Variants in STAU2 observed in about 807,000 individuals in gnomAD.
The protein encoded by STAU2 is staufen double-stranded RNA binding protein 2, also known as double-stranded RNA-binding protein Staufen homolog 2.
STAU2 carries 20 observed loss-of-function variants against 65.9 expected under a neutral mutation model. The observed-to-expected ratio is 0.30, with a 90% CI of 0.21 to 0.44. The LOEUF is 0.44. STAU2 is among the 20% of genes least tolerant of loss of function. The pLI is 1.00. For synonymous variants in STAU2, 232 were observed against 233.9 expected, an observed-to-expected ratio of 0.99 and a Z score of 0.07; for missense variants, 558 against 683.9, an observed-to-expected ratio of 0.82 and a Z score of 2.05.
chr8:73,494,879 T>C (rs1821324732), intron 13 of STAU2, among the ~76,000 whole-genome samples: 1 of 151,666 alleles, frequency 6.6e-6, no homozygotes, highest in South Asian at 2.1e-4. Context: ...TGTAGATTAC[T>C]GATTTACATG....
At chr8:73,715,636 T>C (rs541878063) in intron 3 of STAU2, among the ~76,000 whole-genome samples, 15 of 152,270 alleles carry the variant, frequency 9.9e-5, no homozygotes, top group African/African-American at 3.6e-4. Context: ...TGGGCAACAT[T>C]GATTAAAGTT....
intron 10 of STAU2, among the ~76,000 whole-genome samples, chr8:73,602,907 G>A (rs1811743183): frequency 1.3e-5 from 2 of 151,982 alleles, no homozygotes; most frequent in East Asian, 1.9e-4. Context: ...AATTATCTTT[G>A]AAATACTTCA....
chr8:73,561,252 C>T (rs756680263), intron 12 of STAU2, among the ~76,000 whole-genome samples: 5 of 152,088 alleles, frequency 3.3e-5, no homozygotes, highest in Non-Finnish European at 7.3e-5. Context: ...TCCCCAGAAG[C>T]GCATTCACCA....
At chr8:73,595,542 ATAT>A (rs1811120290) in intron 10 of STAU2, among the ~76,000 whole-genome samples, 1 of 152,128 alleles carries the variant, frequency 6.6e-6, no homozygotes, top group Non-Finnish European at 1.5e-5. Context: ...ACTTCCATAT[ATAT>A]TTATATGCTA....
chr8:73,433,062 G>C (rs1817418323), intron 13 of STAU2, among the ~76,000 whole-genome samples: 1 of 152,176 alleles, frequency 6.6e-6, no homozygotes, highest in South Asian at 2.1e-4. Flanking sequence ...ACGCAGAGTG[G>C]AACTGACAGC....
intron 13 of STAU2, among the ~76,000 whole-genome samples, chr8:73,423,601 TC>T (rs1368809248): frequency 6.6e-6 from 1 of 152,188 alleles, no homozygotes; most frequent in Non-Finnish European, 1.5e-5. Context: ...CTGTGTCTTC[TC>T]AGCTGCCTTT....
At chr8:73,674,036 T>A (rs1305090212) in intron 5 of STAU2, among the ~76,000 whole-genome samples, 1 of 151,614 alleles carries the variant, frequency 6.6e-6, no homozygotes, top group East Asian at 1.9e-4. Flanking sequence ...CCAAATAGTG[T>A]GTGCTTTATA....
rs527332052 is a variant in STAU2 at position 73,422,626 on chromosome 8, C to G, written c.1607G>C (p.Gly536Ala). The stretch of plus-strand genomic sequence containing the variant: ...GGGATTTACTCACTTTTCAAGAGAA[C>G]CTTTTTCGATATTCATTGCTCCATC... The part of the protein sequence containing the change: ...PIDGAMNIEK[G>A]SLEKQAKHLR... The change falls in exon 14 of 15, where the codon GGT (glycine) becomes GCT (alanine). Residue 536 changes from glycine (G) to alanine (A), a missense_variant. Around this residue, in one of 3 missense-constraint regions of STAU2, gnomAD observed 247 missense variants for 270.1 expected, o/e 0.91. Coordinates refer to ENST00000524300, the MANE Select transcript of STAU2 (RefSeq NM_001164380.2). 5.3e-6 allele frequency: 8 copies of G among 1,515,376 alleles called. No homozygotes were observed. Among genetic ancestry groups the G allele is most frequent in the Non-Finnish European group, 7.0e-6 (8 of 1,139,682 alleles). The allele number at this position is 1,515,376 out of a possible 1,614,324, so 93.9% of individuals were successfully genotyped here.
chr8:73,679,469 G>A (rs772913192), intron 5 of STAU2, among the ~76,000 whole-genome samples: 8 of 152,188 alleles, frequency 5.3e-5, no homozygotes, highest in Admixed American at 1.3e-4. Flanking sequence ...AAGTGTGAGA[G>A]GGGGAAAGTC....
chr8:73,626,555 G>A (rs1232612098), intron 6 of STAU2, among the ~76,000 whole-genome samples: 2 of 152,194 alleles, frequency 1.3e-5, no homozygotes, highest in Non-Finnish European at 2.9e-5. Context: ...CCATTCCATA[G>A]TGCAGGAAAA....
intron 12 of STAU2, among the ~76,000 whole-genome samples, chr8:73,570,161 G>C (rs961563097): frequency 1.3e-5 from 2 of 152,166 alleles, no homozygotes; most frequent in East Asian, 3.8e-4. Context: ...CAAGAACTAC[G>C]TGACGCATGC....
At chr8:73,621,062 C>A (rs1004034666) in intron 6 of STAU2, among the ~76,000 whole-genome samples, 3 of 152,170 alleles carry the variant, frequency 2.0e-5, no homozygotes, top group Admixed American at 6.5e-5. Context: ...CTTCTACTTT[C>A]ACTTATTTCA....
chr8:73,671,955 G>C (rs1042427607), intron 6 of STAU2, among the ~76,000 whole-genome samples: 1 of 152,066 alleles, frequency 6.6e-6, no homozygotes, highest in African/African-American at 2.4e-5. Flanking sequence ...AACCCGGGAG[G>C]CTGTGGGTGC....
intron 10 of STAU2, among the ~76,000 whole-genome samples, 184 bp downstream of exon 10, chr8:73,603,542 G>T (rs997460440): frequency 6.6e-6 from 1 of 152,192 alleles, no homozygotes; most frequent in Non-Finnish European, 1.5e-5. Flanking sequence ...GTTGTCTATT[G>T]TAACATGTCC....
chr8:73,670,163 A>C (rs1476099886), intron 6 of STAU2, among the ~76,000 whole-genome samples: 3 of 152,204 alleles, frequency 2.0e-5, no homozygotes, highest in Non-Finnish European at 2.9e-5. Context: ...AGAGAAAATA[A>C]AACAACTACA....
intron 13 of STAU2, chr8:73,458,627 C>T (rs1172772008): frequency 2.6e-5 from 4 of 152,138 alleles, no homozygotes; most frequent in East Asian, 1.9e-4. Flanking sequence ...TCTCTAACTG[C>T]AAAAAATGTT....
At chr8:73,476,629 T>C (rs994375761) in intron 13 of STAU2, among the ~76,000 whole-genome samples, 3 of 152,214 alleles carry the variant, frequency 2.0e-5, no homozygotes, top group Admixed American at 6.5e-5. Context: ...AAGATTAAAC[T>C]AGGCTTTAAA....
chr8:73,634,929 T>C (rs1381447301), intron 6 of STAU2, among the ~76,000 whole-genome samples: 2 of 152,224 alleles, frequency 1.3e-5, no homozygotes, highest in Non-Finnish European at 2.9e-5. Context: ...TACTATACAA[T>C]GTACTTGTAT....
chr8:73,535,607 T>A (rs969257337), intron 13 of STAU2, among the ~76,000 whole-genome samples: 15 of 152,236 alleles, frequency 9.9e-5, no homozygotes, highest in African/African-American at 3.6e-4. Context: ...ACTAAGTGAT[T>A]CTTTAACAGT....
Sources: gnomAD v4.1 joint callset for allele counts (sites outside exome capture counted in the v4.1 genomes callset) on GRCh38, gnomAD v4.1.1 for gene constraint, gnomAD v4.1.1 regional missense constraint, MANE v1.5 for transcripts, NCBI Gene and HGNC (gene_info 2026-07-23, HGNC 2026-07-21) for gene names.